ERCC6L2: variants seen among roughly 807,000 people sequenced by gnomAD.
ERCC6L2 encodes the protein DNA excision repair protein ERCC-6-like 2.
Under a neutral mutation model 132.0 loss-of-function variants are expected in ERCC6L2, and 77 were observed. The ratio of observed to expected loss-of-function variants is 0.58; its 90% CI spans 0.49 to 0.71. ERCC6L2 has a LOEUF of 0.71. Ranked by LOEUF, ERCC6L2 falls within the 30% of genes least tolerant of loss-of-function variation. The pLI, the probability that ERCC6L2 is intolerant of heterozygous loss-of-function variation, is 0.00. For missense variants in ERCC6L2, 1,542 were observed against 1,837.6 expected (o/e 0.84, Z 2.94); for synonymous variants, 583 against 632.4 (o/e 0.92, Z 1.17).
Position 95,994,348 on chromosome 9 carries a change from A to G in ERCC6L2, c.3493-10172A>G, listed in dbSNP as rs116339214. On this transcript the variant is annotated intron_variant, in intron 17 of 18. Transcript: ENST00000653738. ...TCTAGCTTCTCAGTGGGTCAGAGCC[A>G]TCAGGACCTTCCAGTGGCTTTGAAG... is the stretch of plus-strand genomic sequence containing the variant. Among the ~76,000 whole-genome samples, 81 of 152,270 alleles carry G rather than the reference A, an allele frequency of 5.3e-4. 1 individual carries two copies. Among genetic ancestry groups the G allele is most frequent in the African/African-American group, 1.8e-3 (74 of 41,570 alleles).
At position 96,003,118 on chromosome 9, in the gene ERCC6L2, T is replaced by A. The variant is rs186625943; in HGVS notation, c.3493-1402T>A. Among the ~76,000 whole-genome samples, 3 of 152,324 alleles carry A rather than the reference T, an allele frequency of 2.0e-5. No homozygotes were observed. In the East Asian group the frequency reaches 5.8e-4, roughly 29 times the overall value. On this transcript the variant is annotated intron_variant, in intron 17 of 18. Transcript: ENST00000653738. Reference sequence around the variant, plus strand: ...TGCTATGTGTTTATTCATTCATAAATAAATATCTTTTTCAGATTGCTTTAT... The same window carrying A: ...TGCTATGTGTTTATTCATTCATAAAAAAATATCTTTTTCAGATTGCTTTAT...
At chr9:95,991,991 A>G (rs1833317375) in intron 17 of ERCC6L2, among the ~76,000 whole-genome samples, 2 of 152,290 alleles carry the variant, frequency 1.3e-5, no homozygotes, top group Admixed American at 1.3e-4. Context: ...CTATTAAAAT[A>G]TTTTTCCCTT....
chr9:95,959,539 TTAAAC>T (rs1159290677), intron 13 of ERCC6L2, among the ~76,000 whole-genome samples: 1 of 151,902 alleles, frequency 6.6e-6, no homozygotes, highest in Non-Finnish European at 1.5e-5. Flanking sequence ...TGGGATCTAA[TTAAAC>T]TAAAGAGCTT....
Position 95,875,835 on chromosome 9 carries a change from C to T in ERCC6L2, c.-204C>T. The T allele has an allele frequency of 1.7e-6, 1 of 585,328 alleles. No homozygotes were observed. The highest frequency in any genetic ancestry group is 3.1e-6 in the Non-Finnish European group (1 of 326,726). 36.3% of individuals were successfully genotyped at this position (585,328 alleles called of 1,614,324 possible). A position where few individuals can be genotyped will look rare whatever the true frequency, so the allele number is the denominator to read the frequency against. On this transcript the variant is annotated 5_prime_UTR_variant, in exon 1 of 19. Coordinates refer to ENST00000653738, the MANE Select transcript of ERCC6L2 (RefSeq NM_020207.7). ...TGCCGCCGCTCCGGACGTCGCCCTC[C>T]CGTTCTGCTTGGGTCCCCTTAGTCG...
chr9:95,947,355 C>A (rs951387112), intron 12 of ERCC6L2, among the ~76,000 whole-genome samples: 3 of 152,188 alleles, frequency 2.0e-5, no homozygotes, highest in Admixed American at 2.0e-4. Flanking sequence ...CTCTAACACA[C>A]TTCAGTTCTT....
intron 19 of ERCC6L2, among the ~76,000 whole-genome samples, chr9:96,029,380 G>A (rs1216644848): frequency 1.3e-5 from 2 of 151,636 alleles, no homozygotes; most frequent in Non-Finnish European, 2.9e-5. Context: ...AAGACGTTAG[G>A]ATACAGGTGA....
At chr9:96,031,034 T>C (rs1394317496) in intron 19 of ERCC6L2, among the ~76,000 whole-genome samples, 1 of 152,196 alleles carries the variant, frequency 6.6e-6, no homozygotes, top group East Asian at 1.9e-4. Flanking sequence ...CTCAGTGTCC[T>C]CGTGTCTTCC....
chr9:95,953,004 C>T (rs1831413256), intron 12 of ERCC6L2, among the ~76,000 whole-genome samples: 1 of 152,128 alleles, frequency 6.6e-6, no homozygotes, highest in Non-Finnish European at 1.5e-5. Context: ...TGTATGATTT[C>T]ATGTTGTACC....
chr9:96,024,878 T>C (rs986392435), intron 19 of ERCC6L2, among the ~76,000 whole-genome samples: 4 of 152,236 alleles, frequency 2.6e-5, no homozygotes, highest in Non-Finnish European at 5.9e-5. Flanking sequence ...GCTTCAGTCA[T>C]TGACCTCATA....
chr9:95,941,543 T>C lies in ERCC6L2; in HGVS notation c.1841T>C (p.Ile614Thr). The part of the protein sequence containing the change: ...TWNPANDLQA[I>T]DRAYRIGQCR... ...AATCCAGCCAATGATCTTCAAGCCA[T>C]TGACAGGTATAATACTGACAAAATT... The change falls in exon 12 of 19, where the codon ATT becomes ACT. Residue 614 changes from isoleucine to threonine, a missense_variant. By Grantham distance (89) the Ile-to-Thr change is moderately conservative. This residue lies in a region of ERCC6L2 where 945 missense variants were observed against 1,105.2 expected (regional missense o/e 0.86). Transcript: ENST00000653738. 1.9e-6 allele frequency: 3 copies of C among 1,609,324 alleles called. No homozygotes were observed. The highest frequency in any genetic ancestry group is 2.6e-6 in the Non-Finnish European group (3 of 1,175,882).
chr9:95,943,502 A>G (rs139574998), intron 12 of ERCC6L2, among the ~76,000 whole-genome samples: 2 of 152,322 alleles, frequency 1.3e-5, no homozygotes, highest in East Asian at 1.9e-4. Flanking sequence ...ATGGGACTCA[A>G]CATTCTACGT....
At chr9:95,979,800 A>G (rs1348564848) in intron 17 of ERCC6L2, among the ~76,000 whole-genome samples, 1 of 152,142 alleles carries the variant, frequency 6.6e-6, no homozygotes, top group Non-Finnish European at 1.5e-5. Flanking sequence ...AGACAGGCGG[A>G]ATTATGTTGG....
At chr9:96,040,327 G>A (rs943122166) in intron 20 of ERCC6L2, among the ~76,000 whole-genome samples, 9 of 152,176 alleles carry the variant, frequency 5.9e-5, no homozygotes, top group East Asian at 5.8e-4. Context: ...GTCACGAGAC[G>A]TGACCTGGAG....
chr9:96,006,199 T>G (rs963325454), intron 18 of ERCC6L2, among the ~76,000 whole-genome samples: 1 of 151,990 alleles, frequency 6.6e-6, no homozygotes, highest in African/African-American at 2.4e-5. Context: ...AGCCTAGAAA[T>G]AGAGCACAGA....
At chr9:95,981,047 A>C (rs547018070) in intron 17 of ERCC6L2, among the ~76,000 whole-genome samples, 4 of 152,198 alleles carry the variant, frequency 2.6e-5, no homozygotes, top group African/African-American at 4.8e-5. Context: ...TTGTCTCAGT[A>C]AGAAAATAAA....
chr9:95,910,708 G>A (rs1050714528), intron 4 of ERCC6L2, among the ~76,000 whole-genome samples: 13 of 152,098 alleles, frequency 8.5e-5, no homozygotes, highest in African/African-American at 2.9e-4. Flanking sequence ...AATTGGATAT[G>A]GAGCTACCAC....
chr9:95,938,688 C>T (rs1409459942), intron 11 of ERCC6L2, among the ~76,000 whole-genome samples: 1 of 152,012 alleles, frequency 6.6e-6, no homozygotes, highest in Admixed American at 6.6e-5. Flanking sequence ...ATCATCCTTT[C>T]ACTCTCAGCC....
At chr9:95,918,446 C>A in intron 6 of ERCC6L2, 1 of 452,288 alleles carries the variant, frequency 2.2e-6, no homozygotes, top group South Asian at 1.7e-5. Flanking sequence ...TCATAGCTAC[C>A]ATTTATTCAG....
At position 95,955,922 on chromosome 9, in the gene ERCC6L2, G is replaced by T; in HGVS notation, c.1856G>T (p.Arg619Met). The T allele has an allele frequency of 6.3e-7, 1 of 1,595,516 alleles. No individual in the cohort carries two copies. Among genetic ancestry groups the T allele is most frequent in the Non-Finnish European group, 8.5e-7 (1 of 1,171,028 alleles). ...TTTTAATCCTTTTACAGAGCATATA[G>T]GATTGGACAATGTAGAGATGTCAAA... ...NDLQAIDRAY[R>M]IGQCRDVKVL... The change falls in exon 13 of 19, where the codon AGG becomes ATG. Residue 619 changes from arginine (R) to methionine (M), a missense_variant. Physicochemically the swap from Arg to Met is moderately conservative, Grantham distance 91. Transcript: ENST00000653738.
Sources: allele counts gnomAD v4.1 joint callset (sites outside exome capture counted in the v4.1 genomes callset), GRCh38; gene constraint gnomAD v4.1.1; regional missense constraint gnomAD v4.1.1; transcripts MANE v1.5; gene names NCBI Gene and HGNC (gene_info 2026-07-23, HGNC 2026-07-21).